The following COBL variants were observed in gnomAD, a reference collection of about 807,000 sequenced individuals.
COBL encodes protein cordon-bleu.
Under a neutral mutation model 98.8 loss-of-function variants are expected in COBL, and 51 were observed. The observed-to-expected ratio is 0.52, with a 90% CI of 0.41 to 0.65. COBL has a LOEUF of 0.65. COBL is among the 30% of genes least tolerant of loss of function. The pLI, the probability that COBL is intolerant of heterozygous loss-of-function variation, is 0.00. For synonymous variants in COBL, 634 were observed against 651.7 expected (o/e 0.97, Z 0.41); for missense variants, 1,617 against 1,617.5 (o/e 1.00, Z 0.01).
chr7:51,029,055 C>A lies in COBL; in HGVS notation c.2041G>T (p.Ala681Ser). Residue 681 changes from alanine (A) to serine (S), a missense_variant, in exon 10 of 13, where the codon GCT (alanine) becomes TCT (serine). Ala to Ser is a moderately conservative substitution (Grantham distance 99). This residue lies in a region of COBL where 1,304 missense variants were observed against 1,282.0 expected (regional missense o/e 1.02). Coordinates refer to ENST00000265136, the MANE Select transcript of COBL (RefSeq NM_015198.5). Reference protein sequence around the residue: ...VNEKDSNDKNAALAPTSWHQR... With the variant: ...VNEKDSNDKNSALAPTSWHQR... Reference sequence around the variant, plus strand: ...TGCCATGATGTTGGTGCCAAGGCAGCGTTTTTATCGTTGCTGTCCTTTTCA... The same window carrying A: ...TGCCATGATGTTGGTGCCAAGGCAGAGTTTTTATCGTTGCTGTCCTTTTCA... The A allele has an allele frequency of 5.6e-6, 9 of 1,614,136 alleles. No individual in the cohort carries two copies. The highest frequency in any genetic ancestry group is 7.6e-6 in the Non-Finnish European group (9 of 1,180,022).
chr7:51,111,602 C>T (rs776487628), intron 6 of COBL, among the ~76,000 whole-genome samples: 5 of 152,188 alleles, frequency 3.3e-5, no homozygotes, highest in African/African-American at 9.6e-5. Context: ...CCTGTCCTCA[C>T]GACCCATCCA....
chr7:51,128,667 G>A (rs773581491), intron 6 of COBL, among the ~76,000 whole-genome samples: 13 of 152,222 alleles, frequency 8.5e-5, no homozygotes, highest in Non-Finnish European at 1.3e-4. Flanking sequence ...CAGCCCACAC[G>A]GCTGCTCCTG....
intron 1 of COBL, among the ~76,000 whole-genome samples, chr7:51,231,795 C>T (rs866119821): frequency 2.6e-5 from 4 of 152,134 alleles, no homozygotes; most frequent in East Asian, 1.9e-4. Context: ...CCCACACACC[C>T]GCAGATAAAC....
chr7:51,259,083 T>C (rs1244344788), intron 1 of COBL, among the ~76,000 whole-genome samples: 1 of 150,304 alleles, frequency 6.7e-6, no homozygotes, highest in Non-Finnish European at 1.5e-5. Context: ...AGGTCAGGAG[T>C]TCAAGACCAG....
chr7:51,212,660 C>A (rs752364352), intron 2 of COBL, among the ~76,000 whole-genome samples: 4 of 152,200 alleles, frequency 2.6e-5, no homozygotes, highest in Non-Finnish European at 5.9e-5. Flanking sequence ...ACCAGTGAGA[C>A]CTTGGGCTCA....
intron 1 of COBL, chr7:51,259,657 T>C: frequency 1.4e-6 from 1 of 734,172 alleles, no homozygotes; most frequent in Non-Finnish European, 2.5e-6. Context: ...TCCTCATCAC[T>C]GTGTTGTCTG....
chr7:51,260,551 T>C (rs1466154354), intron 1 of COBL, among the ~76,000 whole-genome samples: 1 of 152,232 alleles, frequency 6.6e-6, no homozygotes, highest in Non-Finnish European at 1.5e-5. Flanking sequence ...GAAAGGCTCA[T>C]ATACAATGCT....
At chr7:51,224,654 C>G (rs1323332023) in intron 1 of COBL, among the ~76,000 whole-genome samples, 1 of 151,510 alleles carries the variant, frequency 6.6e-6, no homozygotes, top group Non-Finnish European at 1.5e-5. Flanking sequence ...GACAGCACAC[C>G]ACGGTGTCTG....
At chr7:51,300,192 A>T (rs893186406) in intron 1 of COBL, among the ~76,000 whole-genome samples, 22 of 151,784 alleles carry the variant, frequency 1.4e-4, no homozygotes, top group Admixed American at 6.6e-5. Context: ...ACAGAGTCTC[A>T]CTCTGTCACC....
At position 51,028,555 on chromosome 7, in the gene COBL, T is replaced by C; in HGVS notation, c.2541A>G (p.Pro847=). Residue 847 remains proline (P), a synonymous_variant, in exon 10 of 13, where the codon CCA becomes CCG. Transcript: ENST00000265136. The part of the protein sequence containing the change: ...PTMGMGHVRV[P]AAHTTEVTFL... ...ATGTGACTTCTGTGGTGTGAGCTGCTGGCACCCTCACGTGACCCATGCCCA... is the reference window on the plus strand; with the variant it reads ...ATGTGACTTCTGTGGTGTGAGCTGCCGGCACCCTCACGTGACCCATGCCCA... 2 of 1,614,266 alleles carry C rather than the reference T, an allele frequency of 1.2e-6. No homozygotes were observed. The highest frequency in any genetic ancestry group is 1.7e-6 in the Non-Finnish European group (2 of 1,180,044).
intron 6 of COBL, among the ~76,000 whole-genome samples, chr7:51,124,471 A>G (rs181038104): frequency 1.3e-5 from 2 of 152,306 alleles, no homozygotes; most frequent in East Asian, 1.9e-4. Flanking sequence ...ACCCTCACCC[A>G]GTGTATCTCT....
chr7:51,017,521 G>C lies in COBL; in HGVS notation c.*30C>G, dbSNP rs775543687. The C allele has an allele frequency of 7.4e-6, 12 of 1,611,614 alleles. No individual in the cohort carries two copies. The highest frequency in any genetic ancestry group is 1.3e-5 in the African/African-American group (1 of 75,014). On this transcript the variant is annotated 3_prime_UTR_variant, in exon 13 of 13. Transcript: ENST00000265136. ...GACGCCTGTGGGCATATTACAGGTG[G>C]GTTTCTGCAATTCTCTGGCCTCTGT...
chr7:51,272,324 G>A (rs1041911932), intron 1 of COBL, among the ~76,000 whole-genome samples: 2 of 152,022 alleles, frequency 1.3e-5, no homozygotes, highest in East Asian at 3.9e-4. Flanking sequence ...ATAACATTGA[G>A]CTTGGGTTTT....
At chr7:51,114,346 G>A (rs1177484535) in intron 6 of COBL, among the ~76,000 whole-genome samples, 4 of 148,944 alleles carry the variant, frequency 2.7e-5, no homozygotes, top group Non-Finnish European at 4.4e-5. Flanking sequence ...GTCAAATTCT[G>A]AGGGCTGGTT....
At chr7:51,267,233 C>T (rs1798299951) in intron 1 of COBL, among the ~76,000 whole-genome samples, 1 of 152,124 alleles carries the variant, frequency 6.6e-6, no homozygotes, top group Non-Finnish European at 1.5e-5. Flanking sequence ...AACCTGGTAC[C>T]CTTTCCCAAA....
In COBL at chr7:51,109,705, T is replaced by C. The variant is rs141507670; in HGVS notation, c.958-24401A>G. The stretch of plus-strand genomic sequence containing the variant: ...AAAACTGACTACATGCCAGGCACTG[T>C]TCTCCACAAAGGAAGGGGAGCCTCA... On this transcript the variant is annotated intron_variant, in intron 6 of 12. Coordinates refer to ENST00000265136, the MANE Select transcript of COBL (RefSeq NM_015198.5). Among the ~76,000 whole-genome samples, 6 of 152,308 alleles carry C rather than the reference T, an allele frequency of 3.9e-5. No individual in the cohort carries two copies. In the East Asian group the frequency reaches 1.2e-3, roughly 29 times the overall value.
intron 6 of COBL, among the ~76,000 whole-genome samples, chr7:51,089,225 C>T (rs1252117870): frequency 6.6e-6 from 1 of 152,092 alleles, no homozygotes; most frequent in African/African-American, 2.4e-5. Flanking sequence ...AATCTAAATA[C>T]ACCGCAGGCT....
chr7:51,050,508 CCTAA>C (rs1439608464), intron 7 of COBL, among the ~76,000 whole-genome samples: 2 of 152,328 alleles, frequency 1.3e-5, no homozygotes, highest in African/African-American at 4.8e-5. Flanking sequence ...ACTATCTGCC[CCTAA>C]CTATTTCCCT....
intron 1 of COBL, among the ~76,000 whole-genome samples, chr7:51,282,899 A>G (rs1240812136): frequency 2.0e-5 from 3 of 152,170 alleles, no homozygotes; most frequent in Non-Finnish European, 4.4e-5. Context: ...TAACAAAGAT[A>G]ACCATAAAAT....
Sources: gnomAD v4.1 joint callset for allele counts (sites outside exome capture counted in the v4.1 genomes callset) on GRCh38, gnomAD v4.1.1 for gene constraint, gnomAD v4.1.1 regional missense constraint, MANE v1.5 for transcripts, NCBI Gene and HGNC (gene_info 2026-07-23, HGNC 2026-07-21) for gene names.